The following CFAP91 variants were observed in gnomAD, a reference collection of about 807,000 sequenced individuals.
The protein encoded by CFAP91 is cilia and flagella associated protein 91.
CFAP91 carries 85 observed loss-of-function variants against 95.9 expected under a neutral mutation model. The ratio of observed to expected loss-of-function variants is 0.89; its 90% CI spans 0.74 to 1.06. The LOEUF (loss-of-function observed/expected upper bound fraction) is 1.06. Ranked by LOEUF, CFAP91 falls within the 50% of genes least tolerant of loss-of-function variation. CFAP91 has a pLI of 0.00. For missense variants in CFAP91, 962 were observed against 943.4 expected (o/e 1.02, Z -0.26); for synonymous variants, 335 against 327.5 (o/e 1.02, Z -0.25).
chr3:119,751,660 C>A (rs913612519), intron 17 of CFAP91, among the ~76,000 whole-genome samples: 8 of 152,180 alleles, frequency 5.3e-5, no homozygotes, highest in African/African-American at 1.9e-4. Context: ...TCAGACATTT[C>A]TCTTCCTGTA....
At chr3:119,746,883 G>C (rs1173557796) in intron 14 of CFAP91, among the ~76,000 whole-genome samples, 3 of 152,184 alleles carry the variant, frequency 2.0e-5, no homozygotes, top group Non-Finnish European at 2.9e-5. Flanking sequence ...TGCCCAATAA[G>C]ATCCATAATT....
At chr3:119,735,067 T>C (rs933373942) in intron 10 of CFAP91, among the ~76,000 whole-genome samples, 1 of 152,126 alleles carries the variant, frequency 6.6e-6, no homozygotes, top group African/African-American at 2.4e-5. Context: ...TTTATAATCT[T>C]TTAAATGTTT....
At chr3:119,740,823 C>A in intron 13 of CFAP91, 128 bp downstream of exon 13, 1 of 996,160 alleles carries the variant, frequency 1.0e-6, no homozygotes, top group Non-Finnish European at 1.5e-6. Context: ...AATCCCATCA[C>A]TCTGTCAGCA....
intron 6 of CFAP91, among the ~76,000 whole-genome samples, chr3:119,723,621 G>A (rs904477211): frequency 6.6e-6 from 1 of 152,166 alleles, no homozygotes; most frequent in Non-Finnish European, 1.5e-5. Context: ...TACCATGTAT[G>A]TAAATATTAA....
chr3:119,762,155 A>G (rs114092559), intron 17 of CFAP91, among the ~76,000 whole-genome samples: 2,400 of 152,080 alleles, frequency 0.016, 58 homozygotes, highest in African/African-American at 0.055. Context: ...TACAAAATCA[A>G]CATACAAAAA....
intron 11 of CFAP91, 52 bp downstream of exon 11, chr3:119,737,534 T>C: frequency 8.9e-7 from 1 of 1,123,328 alleles, no homozygotes; most frequent in Non-Finnish European, 1.3e-6. Flanking sequence ...CATTGTCAGC[T>C]TATTCTTAGG....
At chr3:119,762,587 A>G (rs894649031) in intron 17 of CFAP91, among the ~76,000 whole-genome samples, 1 of 152,054 alleles carries the variant, frequency 6.6e-6, no homozygotes, top group Non-Finnish European at 1.5e-5. Flanking sequence ...AATCTACTGC[A>G]AAGCTATGCT....
intron 13 of CFAP91, among the ~76,000 whole-genome samples, chr3:119,743,605 A>G (rs369899401): frequency 6.6e-5 from 10 of 152,354 alleles, no homozygotes; most frequent in African/African-American, 2.4e-4. Context: ...TTAAACTCCA[A>G]TATTATCTTT....
intron 11 of CFAP91, among the ~76,000 whole-genome samples, chr3:119,738,536 A>T (rs1349037347): frequency 6.6e-6 from 1 of 150,856 alleles, no homozygotes; most frequent in African/African-American, 2.4e-5. Flanking sequence ...TTTAGTAGAG[A>T]TGGGGTGTTG....
intron 17 of CFAP91, among the ~76,000 whole-genome samples, chr3:119,763,900 G>A (rs974509640): frequency 1.3e-5 from 2 of 151,978 alleles, no homozygotes; most frequent in African/African-American, 2.4e-5. Flanking sequence ...TAAGTTCAAG[G>A]GATGCATTGT....
chr3:119,715,917 ACTAT>A, intron 6 of CFAP91, 174 bp downstream of exon 6: 1 of 618,042 alleles, frequency 1.6e-6, no homozygotes, highest in Non-Finnish European at 2.9e-6. Flanking sequence ...AAATAAAGAT[ACTAT>A]CTTTTTATTG....
In CFAP91 at chr3:119,707,878, T is replaced by G. The variant is rs1020145992; in HGVS notation, c.359+317T>G. Among the ~76,000 whole-genome samples, 159 of 152,034 alleles carry G rather than the reference T, an allele frequency of 1.0e-3. 2 individuals are homozygous for G. The highest frequency in any genetic ancestry group is 0.01 in the Admixed American group (158 of 15,262). On this transcript the variant is annotated intron_variant, in intron 3 of 17. Coordinates refer to ENST00000273390, the MANE Select transcript of CFAP91 (RefSeq NM_033364.4). ...GTATCTAAAATATTTTTTGGGAACT[T>G]GGGGCCAAAGCACCTTCAAGAATAA...
chr3:119,726,827 C>T (rs541886985), intron 7 of CFAP91, among the ~76,000 whole-genome samples: 5 of 122,824 alleles, frequency 4.1e-5, no homozygotes, highest in East Asian at 5.9e-4. Context: ...CCCCCCACCC[C>T]GACCCAAGAC....
chr3:119,762,450 T>C (rs931373851), intron 17 of CFAP91, among the ~76,000 whole-genome samples: 6 of 151,884 alleles, frequency 4.0e-5, no homozygotes, highest in Admixed American at 3.9e-4. Flanking sequence ...CTATCAAAAT[T>C]CCAATGACAT....
chr3:119,717,232 G>A (rs1377878861), intron 6 of CFAP91, among the ~76,000 whole-genome samples: 1 of 152,166 alleles, frequency 6.6e-6, no homozygotes, highest in East Asian at 1.9e-4. Flanking sequence ...TATAGACAGA[G>A]CAGAGTCAGG....
At chr3:119,710,891 C>T (rs1420793380) in intron 5 of CFAP91, among the ~76,000 whole-genome samples, 1 of 151,994 alleles carries the variant, frequency 6.6e-6, no homozygotes, top group Non-Finnish European at 1.5e-5. Context: ...CAGGACAAGA[C>T]AGCAGACTGG....
intron 9 of CFAP91, 62 bp from the exon 10 acceptor site, chr3:119,733,302 T>A: frequency 1.3e-6 from 2 of 1,561,932 alleles, no homozygotes; most frequent in Non-Finnish European, 1.7e-6. Context: ...AAGTTAACAA[T>A]ATACCTTAAA....
intron 5 of CFAP91, among the ~76,000 whole-genome samples, chr3:119,714,491 A>G (rs1056462245): frequency 2.0e-5 from 3 of 152,170 alleles, no homozygotes; most frequent in Non-Finnish European, 4.4e-5. Flanking sequence ...CAACATAATC[A>G]ATGCTAGGTA....
intron 17 of CFAP91, among the ~76,000 whole-genome samples, chr3:119,759,088 T>C (rs2054486963): frequency 6.6e-6 from 1 of 152,104 alleles, no homozygotes; most frequent in African/African-American, 2.4e-5. Context: ...TATTAAGCCC[T>C]TTTCAGAAAA....
Sources: allele counts gnomAD v4.1 joint callset (sites outside exome capture counted in the v4.1 genomes callset), GRCh38; gene constraint gnomAD v4.1.1; transcripts MANE v1.5; gene names NCBI Gene and HGNC (gene_info 2026-07-23, HGNC 2026-07-21).